The following MFN1 variants were observed in gnomAD, a reference collection of about 807,000 sequenced individuals.
MFN1 encodes mitofusin-1.
Under a neutral mutation model 92.4 loss-of-function variants are expected in MFN1, and 65 were observed. That is an observed-to-expected ratio of 0.70 (90% CI 0.58 to 0.86). MFN1 has a LOEUF of 0.86. Among genes scored for constraint, MFN1 ranks in the 40% least tolerant of loss-of-function variants. The pLI, the probability that MFN1 is intolerant of heterozygous loss-of-function variation, is 0.00. For synonymous variants in MFN1, 297 were observed against 300.9 expected, an observed-to-expected ratio of 0.99 and a Z score of 0.13; for missense variants, 781 against 868.0, an observed-to-expected ratio of 0.90 and a Z score of 1.26.
chr3:179,361,208 A>C (rs1712561619), intron 4 of MFN1, among the ~76,000 whole-genome samples: 1 of 152,190 alleles, frequency 6.6e-6, no homozygotes, highest in South Asian at 2.1e-4. Flanking sequence ...TCAAAATTCA[A>C]ACTTCTCGTG....
chr3:179,387,548 AAAAATAAAT>A (rs1310228095), intron 16 of MFN1, among the ~76,000 whole-genome samples: 1 of 150,688 alleles, frequency 6.6e-6, no homozygotes. Flanking sequence ...ACTATGTCTC[AAAAATAAAT>A]AATTGCCCTT....
rs1336430322 is a variant in MFN1 at position 179,394,407 on chromosome 3, AC to A, written c.*2349del. 4 of 126,786 alleles carry A rather than the reference AC, an allele frequency of 3.2e-5. No individual in the cohort carries two copies. In the Admixed American group the frequency reaches 3.3e-4, roughly 11 times the overall value. 7.9% of individuals were successfully genotyped at this position (126,786 alleles called of 1,614,324 possible). ...TGGAACAGTAAAATAACGAAAGCCA[AC>A]TTTTTTTTTTTTTTTTTTTTTTTTT... On this transcript the variant is annotated 3_prime_UTR_variant, in exon 18 of 18. Coordinates refer to ENST00000471841, the MANE Select transcript of MFN1 (RefSeq NM_033540.3).
intron 3 of MFN1, among the ~76,000 whole-genome samples, chr3:179,355,518 A>G (rs1165096530): frequency 1.3e-5 from 2 of 152,226 alleles, no homozygotes; most frequent in African/African-American, 4.8e-5. Context: ...GACTTGGACT[A>G]GGGAGAATTC....
At chr3:179,377,946 G>A (rs1713307842) in intron 12 of MFN1, among the ~76,000 whole-genome samples, 1 of 152,098 alleles carries the variant, frequency 6.6e-6, no homozygotes, top group South Asian at 2.1e-4. Context: ...TGTAATACCA[G>A]CTACTCTGGA....
chr3:179,377,191 T>G (rs770487615), intron 11 of MFN1, 23 bp downstream of exon 11: 4 of 1,604,174 alleles, frequency 2.5e-6, no homozygotes, highest in Non-Finnish European at 3.4e-6. Context: ...AGCTTCATGA[T>G]TAAAATAACC....
intron 7 of MFN1, among the ~76,000 whole-genome samples, chr3:179,366,734 C>T (rs1035306703): frequency 3.9e-5 from 6 of 152,096 alleles, no homozygotes; most frequent in Non-Finnish European, 5.9e-5. Context: ...TTAAATATTT[C>T]AGCATTCCTA....
chr3:179,373,087 C>T (rs2108543354), intron 9 of MFN1, among the ~76,000 whole-genome samples: 1 of 152,186 alleles, frequency 6.6e-6, no homozygotes, highest in South Asian at 2.1e-4. Flanking sequence ...ATGAGCTTCA[C>T]CATGGGAAAA....
intron 5 of MFN1, among the ~76,000 whole-genome samples, chr3:179,363,547 A>G (rs891955157): frequency 6.6e-6 from 1 of 151,032 alleles, no homozygotes; most frequent in Non-Finnish European, 1.5e-5. Flanking sequence ...TCTGGAGTGC[A>G]GTGGTGGGAT....
intron 12 of MFN1, 105 bp downstream of exon 12, chr3:179,377,553 CTG>C: frequency 1.6e-6 from 1 of 638,712 alleles, no homozygotes; most frequent in South Asian, 2.3e-5. Context: ...CAAAATGAAA[CTG>C]TTAGATCTCT....
Position 179,377,836 on chromosome 3 carries a change from G to A in MFN1, c.1329+388G>A, listed in dbSNP as rs576877271. On this transcript the variant is annotated intron_variant, in intron 12 of 17. Transcript: ENST00000471841. ...TCCCAGCACTTTGGGAGGCTGAGGC[G>A]GACGGATCACGAGGTCAGGAGTTCG... Among the ~76,000 whole-genome samples, 10 of 152,132 alleles carry A rather than the reference G, an allele frequency of 6.6e-5. No homozygotes were observed. In the South Asian group the frequency reaches 1.2e-3, roughly 19 times the overall value.
intron 4 of MFN1, among the ~76,000 whole-genome samples, chr3:179,360,628 A>G (rs1712539673): frequency 6.6e-6 from 1 of 152,080 alleles, no homozygotes; most frequent in Non-Finnish European, 1.5e-5. Flanking sequence ...TAGTTAAGGC[A>G]CTGTTTCTCA....
chr3:179,378,512 T>G, intron 13 of MFN1, 69 bp downstream of exon 13: 1 of 1,517,682 alleles, frequency 6.6e-7, no homozygotes, highest in South Asian at 1.2e-5. Flanking sequence ...GAGCTTATTT[T>G]CCTTTAGGCA....
intron 3 of MFN1, among the ~76,000 whole-genome samples, chr3:179,356,551 A>G (rs1307423818): frequency 1.3e-5 from 2 of 152,214 alleles, no homozygotes; most frequent in African/African-American, 2.4e-5. Flanking sequence ...CACTTCATGC[A>G]TGTGGAAAAA....
chr3:179,358,419 C>G (rs1355888972), intron 3 of MFN1, among the ~76,000 whole-genome samples: 1 of 152,156 alleles, frequency 6.6e-6, no homozygotes, highest in Non-Finnish European at 1.5e-5. Flanking sequence ...TCCCAAAGTG[C>G]TGGGATTACA....
In MFN1 at chr3:179,394,742, T is replaced by A. The variant is rs1171038309; in HGVS notation, c.*2683T>A. ...AAGCCAACTCTTATGCCTAGAAATA[T>A]GTGCACCTATGACCAAGCCCATGAA... is the stretch of plus-strand genomic sequence containing the variant. On this transcript the variant is annotated 3_prime_UTR_variant, in exon 18 of 18. Transcript: ENST00000471841. 1.3e-5 allele frequency: 2 copies of A among 152,206 alleles called. No individual in the cohort carries two copies. The highest frequency in any genetic ancestry group is 2.4e-5 in the African/African-American group (1 of 41,458). The allele number at this position is 152,206 out of a possible 1,614,324, so 9.4% of individuals were successfully genotyped here.
At chr3:179,381,703 TAC>T (rs1200594973) in intron 14 of MFN1, among the ~76,000 whole-genome samples, 3 of 152,264 alleles carry the variant, frequency 2.0e-5, no homozygotes, top group Non-Finnish European at 4.4e-5. Context: ...TAAGTCAGTG[TAC>T]ACAACCTTTG....
At chr3:179,354,479 A>G (rs1712272621) in intron 3 of MFN1, among the ~76,000 whole-genome samples, 1 of 152,200 alleles carries the variant, frequency 6.6e-6, no homozygotes, top group Non-Finnish European at 1.5e-5. Context: ...GGGAGAATGA[A>G]TTGAATGAGA....
chr3:179,381,833 C>T (rs1457991068), intron 14 of MFN1, among the ~76,000 whole-genome samples: 1 of 152,128 alleles, frequency 6.6e-6, no homozygotes, highest in Non-Finnish European at 1.5e-5. Context: ...CAAGATAGCT[C>T]ATTATATCTA....
At chr3:179,376,154 A>G (rs1165068944) in intron 10 of MFN1, among the ~76,000 whole-genome samples, 1 of 152,202 alleles carries the variant, frequency 6.6e-6, no homozygotes, top group Non-Finnish European at 1.5e-5. Context: ...CTGTTGCTTT[A>G]TAATGGTACT....
Sources: allele counts gnomAD v4.1 joint callset (sites outside exome capture counted in the v4.1 genomes callset), GRCh38; gene constraint gnomAD v4.1.1; transcripts MANE v1.5; gene names NCBI Gene and HGNC (gene_info 2026-07-23, HGNC 2026-07-21).